SBF2: variants seen among roughly 807,000 people sequenced by gnomAD.
SBF2 encodes myotubularin-related protein 13.
A neutral mutation model predicts 225.2 loss-of-function variants in SBF2; 112 were observed. The ratio of observed to expected loss-of-function variants is 0.50; its 90% CI spans 0.43 to 0.58. SBF2 has a LOEUF of 0.58. SBF2 is among the 20% of genes least tolerant of loss of function. The pLI, the probability that SBF2 is intolerant of heterozygous loss-of-function variation, is 0.00. For synonymous variants in SBF2, 763 were observed against 773.3 expected (o/e 0.99, Z 0.22); for missense variants, 1,996 against 2,206.2 (o/e 0.90, Z 1.91).
intron 32 of SBF2, among the ~76,000 whole-genome samples, chr11:9,799,470 C>A (rs909030846): frequency 6.6e-6 from 1 of 152,140 alleles, no homozygotes; most frequent in Non-Finnish European, 1.5e-5. Context: ...CTGGGGTTAA[C>A]GATCAGGTCT....
chr11:10,264,305 A>G (rs1486310380), intron 1 of SBF2, among the ~76,000 whole-genome samples: 1 of 151,864 alleles, frequency 6.6e-6, no homozygotes, highest in African/African-American at 2.4e-5. Context: ...ATTAGAAAAA[A>G]TGTTGAGAAT....
intron 2 of SBF2, among the ~76,000 whole-genome samples, chr11:10,047,899 C>T (rs1290376056): frequency 3.3e-5 from 5 of 151,994 alleles, no homozygotes; most frequent in Non-Finnish European, 5.9e-5. Context: ...TTGAAACTTC[C>T]TAGCTTCTCT....
rs1459227687 is a variant in SBF2 at position 10,175,604 on chromosome 11, G to C, written c.141+18298C>G. ...CACTGTCAACATTAGACAGATCAACGAGACAGAAAGTCAACAAGGATACCC... is the reference window on the plus strand; with the variant it reads ...CACTGTCAACATTAGACAGATCAACCAGACAGAAAGTCAACAAGGATACCC... On this transcript the variant is annotated intron_variant, in intron 2 of 39. Transcript: ENST00000256190. Among the ~76,000 whole-genome samples the C allele has an allele frequency of 6.0e-5, 9 of 150,952 alleles. No individual in the cohort carries two copies. The South Asian group carries it at 6.4e-4, about 11-fold the overall frequency.
At chr11:9,816,009 C>T (rs1564879083) in intron 29 of SBF2, among the ~76,000 whole-genome samples, 3 of 152,178 alleles carry the variant, frequency 2.0e-5, no homozygotes, top group East Asian at 1.9e-4. Flanking sequence ...TTCTGCTCCA[C>T]GGTTCAGCCA....
intron 2 of SBF2, among the ~76,000 whole-genome samples, chr11:10,182,385 T>G (rs1469873295): frequency 6.6e-6 from 1 of 152,210 alleles, no homozygotes; most frequent in Non-Finnish European, 1.5e-5. Context: ...CACCTCTCTA[T>G]ATATACATAA....
intron 1 of SBF2, among the ~76,000 whole-genome samples, chr11:10,265,511 G>A (rs1961901002): frequency 9.4e-6 from 1 of 105,848 alleles, no homozygotes; most frequent in African/African-American, 3.6e-5. Flanking sequence ...GGGAGAGGTG[G>A]GGGGGTATCA....
intron 16 of SBF2, among the ~76,000 whole-genome samples, chr11:9,904,035 AC>A (rs1391225593): frequency 6.6e-6 from 1 of 151,886 alleles, no homozygotes; most frequent in Non-Finnish European, 1.5e-5. Context: ...CCCAACTATC[AC>A]CTGACATTCC....
At chr11:9,856,757 T>C in intron 18 of SBF2, 37 bp from the exon 19 acceptor site, 1 of 1,505,548 alleles carries the variant, frequency 6.6e-7, no homozygotes, top group Non-Finnish European at 9.2e-7. Flanking sequence ...AAGAGAACCA[T>C]CACTTCAGGT....
At chr11:9,929,682 T>A (rs1864340065) in intron 16 of SBF2, among the ~76,000 whole-genome samples, 2 of 152,144 alleles carry the variant, frequency 1.3e-5, no homozygotes, top group South Asian at 4.1e-4. Flanking sequence ...TTGAACAAAT[T>A]GGGCTACAAA....
chr11:9,792,534 T>A (rs1252060500), intron 33 of SBF2, among the ~76,000 whole-genome samples: 1 of 152,174 alleles, frequency 6.6e-6, no homozygotes, highest in African/African-American at 2.4e-5. Context: ...ACCACAGGTG[T>A]TCCTAAACAA....
At chr11:10,067,044 G>A (rs959027869) in intron 2 of SBF2, among the ~76,000 whole-genome samples, 11 of 152,224 alleles carry the variant, frequency 7.2e-5, no homozygotes, top group African/African-American at 2.6e-4. Context: ...TTGGGAGTGT[G>A]AAATGGGAAG....
At chr11:9,846,546 T>A (rs1301340724) in intron 23 of SBF2, among the ~76,000 whole-genome samples, 1 of 152,224 alleles carries the variant, frequency 6.6e-6, no homozygotes, top group Non-Finnish European at 1.5e-5. Flanking sequence ...ATGCAACTAG[T>A]ACCAATAGAA....
At chr11:9,802,705 G>A (rs150969608) in intron 32 of SBF2, among the ~76,000 whole-genome samples, 1 of 152,172 alleles carries the variant, frequency 6.6e-6, no homozygotes, top group African/African-American at 2.4e-5. Context: ...TTCAAAGAAG[G>A]CATTTTCTAA....
chr11:10,023,205 A>T (rs1342292236), intron 6 of SBF2, among the ~76,000 whole-genome samples: 1 of 152,136 alleles, frequency 6.6e-6, no homozygotes, highest in Non-Finnish European at 1.5e-5. Context: ...GAGGTAGGTG[A>T]CAATCCCTTT....
At chr11:9,795,247 C>G (rs775373574) in intron 33 of SBF2, among the ~76,000 whole-genome samples, 1 of 152,152 alleles carries the variant, frequency 6.6e-6, no homozygotes, top group African/African-American at 2.4e-5. Flanking sequence ...ATTTATTGAG[C>G]GCTTACTATG....
At chr11:9,879,677 C>G (rs566952160) in intron 17 of SBF2, among the ~76,000 whole-genome samples, 1 of 152,150 alleles carries the variant, frequency 6.6e-6, no homozygotes, top group Admixed American at 6.5e-5. Flanking sequence ...TCGCTGTGCA[C>G]GTACTATATG....
At chr11:10,293,929 G>GGCCCCGACGCCC in intron 1 of SBF2, 86 bp downstream of exon 1, 1 of 1,038,520 alleles carries the variant, frequency 9.6e-7, no homozygotes, top group Non-Finnish European at 1.2e-6. Context: ...CCCGACGCCC[G>GGCCCCGACGCCC]TCCCCGACGC....
At chr11:10,235,242 C>A (rs557975347) in intron 1 of SBF2, among the ~76,000 whole-genome samples, 11 of 152,170 alleles carry the variant, frequency 7.2e-5, no homozygotes, top group African/African-American at 2.6e-4. Flanking sequence ...TTTTAAAAGT[C>A]AATTAATTGA....
chr11:10,140,347 G>A (rs1047695295), intron 2 of SBF2, among the ~76,000 whole-genome samples: 11 of 152,178 alleles, frequency 7.2e-5, no homozygotes, highest in Non-Finnish European at 1.5e-4. Context: ...CTTACAAAGA[G>A]GGACTGGCAA....
Sources: gnomAD v4.1 joint callset for allele counts (sites outside exome capture counted in the v4.1 genomes callset) on GRCh38, gnomAD v4.1.1 for gene constraint, MANE v1.5 for transcripts, NCBI Gene and HGNC (gene_info 2026-07-23, HGNC 2026-07-21) for gene names.